GABRB1: variants seen among roughly 807,000 people sequenced by gnomAD.
GABRB1 encodes gamma-aminobutyric acid type A receptor subunit beta1, also known as gamma-aminobutyric acid receptor subunit beta-1.
Under a neutral mutation model 51.6 loss-of-function variants are expected in GABRB1, and 17 were observed. The observed-to-expected ratio is 0.33, with a 90% CI of 0.23 to 0.49. GABRB1 has a LOEUF of 0.49. GABRB1 is among the 20% of genes least tolerant of loss of function. The pLI is 0.99. For missense variants in GABRB1, 410 were observed against 600.6 expected (o/e 0.68, Z 3.32); for synonymous variants, 247 against 218.9 (o/e 1.13, Z -1.14).
intron 3 of GABRB1, among the ~76,000 whole-genome samples, chr4:47,152,530 T>G (rs980049862): frequency 2.6e-5 from 4 of 152,024 alleles, no homozygotes; most frequent in African/African-American, 9.7e-5. Flanking sequence ...CCTTATGCTC[T>G]CTCCATGGTG....
chr4:47,313,835 C>G (rs951714223), intron 4 of GABRB1, among the ~76,000 whole-genome samples: 1 of 152,058 alleles, frequency 6.6e-6, no homozygotes, highest in African/African-American at 2.4e-5. Flanking sequence ...TCCTGTGGGT[C>G]TTTGGTGACC....
At chr4:47,395,768 C>A (rs1179448486) in intron 5 of GABRB1, among the ~76,000 whole-genome samples, 2 of 152,134 alleles carry the variant, frequency 1.3e-5, no homozygotes, top group African/African-American at 4.8e-5. Context: ...TTCCTAGTCC[C>A]CCCAAAAGAA....
chr4:47,294,812 G>A (rs1723903221), intron 4 of GABRB1, among the ~76,000 whole-genome samples: 1 of 152,204 alleles, frequency 6.6e-6, no homozygotes, highest in Admixed American at 6.5e-5. Flanking sequence ...CCTCAAGTGG[G>A]TCCCTGACCC....
At chr4:47,118,113 T>G (rs1365665753) in intron 3 of GABRB1, among the ~76,000 whole-genome samples, 1 of 152,212 alleles carries the variant, frequency 6.6e-6, no homozygotes, top group African/African-American at 2.4e-5. Context: ...GACTTTTTTA[T>G]TGCTGACTGA....
intron 1 of GABRB1, among the ~76,000 whole-genome samples, chr4:47,006,318 A>G (rs1432415960): frequency 6.6e-6 from 1 of 152,204 alleles, no homozygotes; most frequent in South Asian, 2.1e-4. Flanking sequence ...TTATTGTAAT[A>G]AAATAATACT....
chr4:47,042,127 A>G (rs991583399), intron 3 of GABRB1, among the ~76,000 whole-genome samples: 1 of 151,992 alleles, frequency 6.6e-6, no homozygotes, highest in Non-Finnish European at 1.5e-5. Flanking sequence ...TATCACTCCC[A>G]GCATATTTTA....
In GABRB1 at chr4:47,290,229, G is replaced by T. The variant is rs114426693; in HGVS notation, c.462-29898G>T. 5.1e-3 allele frequency among the ~76,000 whole-genome samples: 778 copies of T among 152,256 alleles called. 6 individuals carry two copies. The highest frequency in any genetic ancestry group is 0.018 in the African/African-American group (740 of 41,548). ...GGAGGTAATTGAATCATGGGGGCAG[G>T]TCTTTCCATTGCTGTTCTCATGATA... is the stretch of plus-strand genomic sequence containing the variant. On this transcript the variant is annotated intron_variant, in intron 4 of 8. Coordinates refer to ENST00000295454, the MANE Select transcript of GABRB1 (RefSeq NM_000812.4).
At chr4:46,994,664 G>A (rs2109419921) in intron 1 of GABRB1, among the ~76,000 whole-genome samples, 1 of 152,270 alleles carries the variant, frequency 6.6e-6, no homozygotes, top group South Asian at 2.1e-4. Flanking sequence ...GCAAAGATAA[G>A]CATTCCCAAT....
intron 5 of GABRB1, among the ~76,000 whole-genome samples, chr4:47,327,475 A>T (rs1725302203): frequency 6.6e-6 from 1 of 152,224 alleles, no homozygotes. Context: ...TGGTAAGTGT[A>T]ATGAAACTAT....
At chr4:47,075,209 C>T (rs748747491) in intron 3 of GABRB1, among the ~76,000 whole-genome samples, 2 of 151,838 alleles carry the variant, frequency 1.3e-5, no homozygotes, top group Non-Finnish European at 2.9e-5. Flanking sequence ...TTATTTTTGC[C>T]TGCAGTCTCT....
At chr4:47,190,505 C>T (rs1719397716) in intron 4 of GABRB1, among the ~76,000 whole-genome samples, 1 of 152,170 alleles carries the variant, frequency 6.6e-6, no homozygotes. Context: ...AGCACCTACA[C>T]ATATCCTTTA....
intron 4 of GABRB1, among the ~76,000 whole-genome samples, chr4:47,308,945 T>C (rs1182645553): frequency 6.6e-6 from 1 of 152,130 alleles, no homozygotes; most frequent in East Asian, 1.9e-4. Flanking sequence ...GTCCTGGCAA[T>C]TTGTCCACTA....
intron 3 of GABRB1, among the ~76,000 whole-genome samples, chr4:47,137,934 A>G (rs1348511139): frequency 1.3e-5 from 2 of 152,178 alleles, no homozygotes; most frequent in East Asian, 3.9e-4. Flanking sequence ...AATATTCCAC[A>G]GAAATAGAAA....
At chr4:47,082,450 T>C (rs1727890206) in intron 3 of GABRB1, among the ~76,000 whole-genome samples, 1 of 152,112 alleles carries the variant, frequency 6.6e-6, no homozygotes, top group South Asian at 2.1e-4. Context: ...TAAAGCTTTG[T>C]ACTAGATGTA....
chr4:47,299,184 G>C (rs915341865), intron 4 of GABRB1, among the ~76,000 whole-genome samples: 1 of 152,176 alleles, frequency 6.6e-6, no homozygotes, highest in Admixed American at 6.5e-5. Context: ...CATGGGCAAG[G>C]ACTTCATGTC....
intron 3 of GABRB1, among the ~76,000 whole-genome samples, chr4:47,151,406 AATTTCTTC>A (rs1717444000): frequency 6.6e-6 from 1 of 152,056 alleles, no homozygotes; most frequent in Non-Finnish European, 1.5e-5. Flanking sequence ...ATGATAGATT[AATTTCTTC>A]ATTTCTTCAA....
chr4:47,295,013 T>A (rs1308763378), intron 4 of GABRB1, among the ~76,000 whole-genome samples: 1 of 152,210 alleles, frequency 6.6e-6, no homozygotes, highest in Non-Finnish European at 1.5e-5. Context: ...GGAGTGGACC[T>A]CTAGCAAACT....
rs2109553569 is a variant in GABRB1, at chr4:47,075,133, G to A, written c.240+42649G>A. The stretch of plus-strand genomic sequence containing the variant: ...ATTAATTCAGTTGAAATCAGAGAGA[G>A]CAGAAAAGCTGCTGGAAATGTTCCT... On this transcript the variant is annotated intron_variant, in intron 3 of 8. Coordinates refer to ENST00000295454, the MANE Select transcript of GABRB1 (RefSeq NM_000812.4). Among the ~76,000 whole-genome samples the A allele has an allele frequency of 1.3e-5, 2 of 152,254 alleles. 1 individual carries two copies. The highest frequency in any genetic ancestry group is 4.1e-4 in the South Asian group (2 of 4,830).
chr4:47,347,034 T>C (rs965964927), intron 5 of GABRB1, among the ~76,000 whole-genome samples: 42 of 152,170 alleles, frequency 2.8e-4, no homozygotes, highest in African/African-American at 1.0e-3. Context: ...GTAATCCCAG[T>C]ACTCTGGGAG....
Sources: gnomAD v4.1 joint callset for allele counts (sites outside exome capture counted in the v4.1 genomes callset) on GRCh38, gnomAD v4.1.1 for gene constraint, MANE v1.5 for transcripts, NCBI Gene and HGNC (gene_info 2026-07-23, HGNC 2026-07-21) for gene names.